Variants in SYCE2 observed in about 807,000 individuals in gnomAD.
SYCE2 encodes the protein synaptonemal complex central element protein 2, also known as central element synaptonemal complex 1.
Under a neutral mutation model 27.9 loss-of-function variants are expected in SYCE2, and 3 were observed. The ratio of observed to expected loss-of-function variants is 0.11; its 90% CI spans 0.05 to 0.28. SYCE2 has a LOEUF of 0.28. Among genes scored for constraint, SYCE2 ranks in the 10% least tolerant of loss-of-function variants. The pLI is 1.00. For missense variants in SYCE2, 207 were observed against 263.5 expected (o/e 0.79, Z 1.48); for synonymous variants, 85 against 100.7 (o/e 0.84, Z 0.93).
intron 5 of SYCE2, chr19:12,899,727 G>A (rs929794726): frequency 1.2e-5 from 19 of 1,612,138 alleles, no homozygotes; most frequent in Non-Finnish European, 1.5e-5. Context: ...TTAAAAAGAA[G>A]ATGGAATTCT....
chr19:12,917,062 A>G (rs1404802519), intron 2 of SYCE2, among the ~76,000 whole-genome samples: 1 of 134,950 alleles, frequency 7.4e-6, no homozygotes, highest in Non-Finnish European at 1.6e-5. Flanking sequence ...TACTATATAT[A>G]TACTTTTTTT....
chr19:12,917,373 CT>C (rs1400698369), intron 2 of SYCE2, among the ~76,000 whole-genome samples: 3 of 150,142 alleles, frequency 2.0e-5, no homozygotes, highest in African/African-American at 7.3e-5. Context: ...TTTCTTTTTT[CT>C]TTTTTTTGAG....
chr19:12,910,858 T>C (rs1255935934), intron 2 of SYCE2, among the ~76,000 whole-genome samples: 1 of 151,642 alleles, frequency 6.6e-6, no homozygotes, highest in East Asian at 1.9e-4. Context: ...TTTGTATTTT[T>C]AGTAGAGGCG....
intron 2 of SYCE2, among the ~76,000 whole-genome samples, chr19:12,905,578 G>A (rs543425475): frequency 2.4e-4 from 37 of 152,208 alleles, no homozygotes; most frequent in African/African-American, 7.9e-4. Flanking sequence ...TGATCCGCCC[G>A]CCTCAGCCTC....
chr19:12,900,928 C>T (rs1249450840), intron 3 of SYCE2, among the ~76,000 whole-genome samples: 1 of 152,090 alleles, frequency 6.6e-6, no homozygotes, highest in Non-Finnish European at 1.5e-5. Context: ...GCCTGTAATC[C>T]TAACACTTTG....
intron 1 of SYCE2, among the ~76,000 whole-genome samples, chr19:12,918,639 G>C (rs900537715): frequency 6.6e-6 from 1 of 152,158 alleles, no homozygotes; most frequent in East Asian, 1.9e-4. Flanking sequence ...GGAGTCCTTC[G>C]AGAAAGGAGA....
intron 2 of SYCE2, among the ~76,000 whole-genome samples, chr19:12,912,779 A>T (rs1971070411): frequency 6.8e-6 from 1 of 146,398 alleles, no homozygotes; most frequent in African/African-American, 2.5e-5. Flanking sequence ...GCAAACAGTA[A>T]AAAAAAAAAA....
At chr19:12,918,361 G>A in intron 1 of SYCE2, 24 bp from the exon 2 acceptor site, 1 of 1,605,910 alleles carries the variant, frequency 6.2e-7, no homozygotes, top group Non-Finnish European at 8.5e-7. Context: ...CAGGACGGAG[G>A]CCAAGGAGGG....
chr19:12,916,990 T>G (rs1482062742), intron 2 of SYCE2, among the ~76,000 whole-genome samples: 1 of 152,036 alleles, frequency 6.6e-6, no homozygotes, highest in Non-Finnish European at 1.5e-5. Context: ...CCTCAAGTTA[T>G]CTGCCAGCGC....
At chr19:12,913,818 G>T (rs539229941) in intron 2 of SYCE2, among the ~76,000 whole-genome samples, 32 of 152,098 alleles carry the variant, frequency 2.1e-4, no homozygotes, top group Non-Finnish European at 4.3e-4. Flanking sequence ...GCAAACAAAC[G>T]ACTTCAACCA....
chr19:12,904,474 C>T lies in SYCE2; in HGVS notation c.306+18G>A. On this transcript the variant is annotated intron_variant, in intron 3 of 5. Coordinates refer to ENST00000293695, the MANE Select transcript of SYCE2 (RefSeq NM_001105578.2). ...TTTGCATAAGGAATCCCCCCTCTCG[C>T]TGGGTGGAGTCTGTCACCTTGGTCT... 2 of 1,613,740 alleles carry T rather than the reference C, an allele frequency of 1.2e-6. No individual in the cohort carries two copies. The highest frequency in any genetic ancestry group is 2.2e-5 in the East Asian group (1 of 44,858).
intron 2 of SYCE2, among the ~76,000 whole-genome samples, chr19:12,911,947 G>GT (rs1971054258): frequency 6.9e-6 from 1 of 144,140 alleles, no homozygotes; most frequent in Non-Finnish European, 1.5e-5. Context: ...TTGTTTGTTT[G>GT]TTTTTTTCAA....
At chr19:12,918,153 T>A (rs1971169781) in intron 2 of SYCE2, 69 bp downstream of exon 2, 3 of 1,332,704 alleles carry the variant, frequency 2.3e-6, no homozygotes, top group Non-Finnish European at 2.2e-6. Context: ...CATAGCCTTG[T>A]GGAAGAAAAG....
intron 2 of SYCE2, among the ~76,000 whole-genome samples, chr19:12,912,149 G>C (rs1401069206): frequency 2.0e-5 from 3 of 150,358 alleles, no homozygotes; most frequent in Non-Finnish European, 4.4e-5. Flanking sequence ...TGTTAGCCAG[G>C]CTGGTCTCGA....
In SYCE2 at chr19:12,899,365, C is replaced by T; in HGVS notation, c.633G>A (p.Gln211=). The change falls in exon 6 of 6, where the codon CAG becomes CAA. Residue 211 remains glutamine, a synonymous_variant. Coordinates refer to ENST00000293695, the MANE Select transcript of SYCE2 (RefSeq NM_001105578.2). ...TTSQATASEV[Q]TNRDGEC is the part of the protein sequence containing the mutation. ...GTCAGCATTCACCATCTCTGTTGGT[C>T]TGTACTTCTGAAGCAGTGGCCTGGG... The T allele has an allele frequency of 6.2e-7, 1 of 1,614,092 alleles. No homozygotes were observed.
rs184480442 is a variant in SYCE2, at chr19:12,908,620, G to T, written c.132-3954C>A. 5.9e-3 allele frequency among the ~76,000 whole-genome samples: 902 copies of T among 152,120 alleles called. 5 individuals carry two copies. The highest frequency in any genetic ancestry group is 8.8e-3 in the Non-Finnish European group (601 of 67,996). On this transcript the variant is annotated intron_variant, in intron 2 of 5. Coordinates refer to ENST00000293695, the MANE Select transcript of SYCE2 (RefSeq NM_001105578.2). ...ATTACAGGCGTGAGCCACCGCGCCCGGCCATCCTGGGCTTATTTTCTTACC... is the reference window on the plus strand; with the variant it reads ...ATTACAGGCGTGAGCCACCGCGCCCTGCCATCCTGGGCTTATTTTCTTACC...
intron 3 of SYCE2, among the ~76,000 whole-genome samples, chr19:12,902,883 A>T (rs1227071954): frequency 6.6e-6 from 1 of 151,750 alleles, no homozygotes; most frequent in Non-Finnish European, 1.5e-5. Flanking sequence ...TGTCCCACTC[A>T]TGTGACCCAT....
At position 12,918,119 on chromosome 19, in the gene SYCE2, G is replaced by GA. The variant is rs943784652; in HGVS notation, c.131+102dup. The GA allele has an allele frequency of 2.2e-3, 2,075 of 947,846 alleles. 2 individuals carry two copies. The highest frequency in any genetic ancestry group is 0.011 in the African/African-American group (695 of 60,546). The allele number at this position is 947,846 out of a possible 1,614,324, so 58.7% of individuals were successfully genotyped here. Reference sequence around the variant, plus strand: ...CAAAGCAAGACGCTGTGTTAGGAGGGAAAAAAAAAGCAGCAGACACTGGCA... The same window carrying GA: ...CAAAGCAAGACGCTGTGTTAGGAGGGAAAAAAAAAAGCAGCAGACACTGGCA... On this transcript the variant is annotated intron_variant, in intron 2 of 5. Coordinates refer to ENST00000293695, the MANE Select transcript of SYCE2 (RefSeq NM_001105578.2).
intron 2 of SYCE2, among the ~76,000 whole-genome samples, chr19:12,909,873 T>G (rs1423262488): frequency 2.7e-5 from 4 of 149,258 alleles, no homozygotes; most frequent in Admixed American, 6.7e-5. Flanking sequence ...GCCTTTTTAT[T>G]TATTTGTTTT....
Sources: gnomAD v4.1 joint callset for allele counts (sites outside exome capture counted in the v4.1 genomes callset) on GRCh38, gnomAD v4.1.1 for gene constraint, MANE v1.5 for transcripts, NCBI Gene and HGNC (gene_info 2026-07-23, HGNC 2026-07-21) for gene names.